The following EXTL3 variants were observed in gnomAD, a reference collection of about 807,000 sequenced individuals.
The protein encoded by EXTL3 is exostosin-like 3.
Under a neutral mutation model 69.3 loss-of-function variants are expected in EXTL3, and 27 were observed. That is an observed-to-expected ratio of 0.39 (90% CI 0.29 to 0.54). The LOEUF (loss-of-function observed/expected upper bound fraction) is 0.54. Among genes scored for constraint, EXTL3 ranks in the 20% least tolerant of loss-of-function variants. The pLI is 0.69. For synonymous variants in EXTL3, 511 were observed against 499.4 expected, an observed-to-expected ratio of 1.02 and a Z score of -0.31; for missense variants, 1,003 against 1,231.8, an observed-to-expected ratio of 0.81 and a Z score of 2.78.
chr8:28,712,849 C>T (rs1801058758), intron 1 of EXTL3, among the ~76,000 whole-genome samples: 2 of 152,324 alleles, frequency 1.3e-5, no homozygotes, highest in African/African-American at 4.8e-5. Context: ...AAATATTAGA[C>T]TAACTATAGT....
Position 28,644,321 on chromosome 8 carries a change from G to C in EXTL3, c.-53+21511G>C, listed in dbSNP as rs551009001. Among the ~76,000 whole-genome samples, 4 of 152,104 alleles carry C rather than the reference G, an allele frequency of 2.6e-5. No individual in the cohort carries two copies. The South Asian group carries it at 8.3e-4, about 32-fold the overall frequency. Reference sequence around the variant, plus strand: ...GTTTTTCTTTTTTTCTTTTTTGCTAGTGAATCAGTGCTGCTATGAACATTA... The same window carrying C: ...GTTTTTCTTTTTTTCTTTTTTGCTACTGAATCAGTGCTGCTATGAACATTA... On this transcript the variant is annotated intron_variant, in intron 1 of 6. Coordinates refer to the EXTL3 transcript ENST00000523149.
chr8:28,633,074 C>T (rs537881413), intron 1 of EXTL3, among the ~76,000 whole-genome samples: 1 of 152,268 alleles, frequency 6.6e-6, no homozygotes, highest in South Asian at 2.1e-4. Context: ...TGTTGTGGCT[C>T]ACACTTGTAA....
chr8:28,743,238 C>G, intron 6 of EXTL3, 24 bp downstream of exon 6: 1 of 1,613,968 alleles, frequency 6.2e-7, no homozygotes, highest in Non-Finnish European at 8.5e-7. Flanking sequence ...ACTGGTGGGG[C>G]TGTGGATGCG....
upstream of EXTL3, chr8:28,696,592 CTT>C (rs1800690051): frequency 1.3e-5 from 2 of 151,916 alleles, no homozygotes; most frequent in South Asian, 4.2e-4. Flanking sequence ...TGGAATCTCG[CTT>C]TTTTACCCAG....
At chr8:28,621,036 G>A (rs1430726040), upstream of EXTL3, among the ~76,000 whole-genome samples, 1 of 152,136 alleles carries the variant, frequency 6.6e-6, no homozygotes, top group Non-Finnish European at 1.5e-5. Context: ...ATACATTTAA[G>A]ATCATGTACA....
intron 1 of EXTL3, among the ~76,000 whole-genome samples, chr8:28,644,599 C>T (rs1415777768): frequency 3.3e-5 from 5 of 151,994 alleles, no homozygotes; most frequent in Admixed American, 2.0e-4. Flanking sequence ...TTTGGAAGCT[C>T]GAGGTGGGAG....
upstream of EXTL3, chr8:28,697,249 T>A (rs911678644): frequency 1.3e-5 from 2 of 152,226 alleles, no homozygotes; most frequent in Admixed American, 6.5e-5. Context: ...CCCTCTTTTT[T>A]GGGAACAAGC....
At position 28,715,909 on chromosome 8, in the gene EXTL3, T is replaced by G. The variant is rs1282872010; in HGVS notation, c.-151T>G. 3.1e-6 allele frequency: 2 copies of G among 652,032 alleles called. No homozygotes were observed. The highest frequency in any genetic ancestry group is 5.2e-6 in the Non-Finnish European group (2 of 381,812). The allele number at this position is 652,032 out of a possible 1,614,324, so 40.4% of individuals were successfully genotyped here. A position where few individuals can be genotyped will look rare whatever the true frequency, so the allele number is the denominator to read the frequency against. ...CCATTTCAGCTGCAGCTGAGGAAAATGAAATGTTCATTTTATTTGGTGCCT... is the reference window on the plus strand; with the variant it reads ...CCATTTCAGCTGCAGCTGAGGAAAAGGAAATGTTCATTTTATTTGGTGCCT... On this transcript the variant is annotated 5_prime_UTR_variant, in exon 3 of 7. An upstream start codon of the reference 5' UTR is lost. Coordinates refer to ENST00000220562, the MANE Select transcript of EXTL3 (RefSeq NM_001440.4).
chr8:28,643,023 C>T (rs909233097), intron 1 of EXTL3, among the ~76,000 whole-genome samples: 1 of 152,102 alleles, frequency 6.6e-6, no homozygotes. Context: ...GCAGATGGAT[C>T]ACCTGAGGGC....
intron 5 of EXTL3, chr8:28,742,339 A>C (rs964769198): frequency 1.3e-5 from 2 of 152,234 alleles, no homozygotes; most frequent in Admixed American, 1.3e-4. Flanking sequence ...GCCATTCATG[A>C]GCAGGTGTGA....
At chr8:28,684,238 T>A (rs528771579) in intron 1 of EXTL3, among the ~76,000 whole-genome samples, 9 of 152,312 alleles carry the variant, frequency 5.9e-5, no homozygotes, top group Admixed American at 2.0e-4. Flanking sequence ...CAGTTAAACA[T>A]GGGAGTGCAG....
intron 3 of EXTL3, among the ~76,000 whole-genome samples, chr8:28,726,728 A>G (rs966322597): frequency 6.6e-6 from 1 of 152,052 alleles, no homozygotes; most frequent in Non-Finnish European, 1.5e-5. Context: ...ACATTGCCAC[A>G]TGTAGCCCGA....
intron 1 of EXTL3, among the ~76,000 whole-genome samples, chr8:28,712,121 A>T (rs2130725980): frequency 6.6e-6 from 1 of 152,316 alleles, no homozygotes; most frequent in Non-Finnish European, 1.5e-5. Flanking sequence ...GCAACTTTAA[A>T]TGGTAATGCC....
intron 5 of EXTL3, chr8:28,740,450 A>AT (rs1425160185): frequency 2.0e-5 from 3 of 152,004 alleles, no homozygotes; most frequent in African/African-American, 7.3e-5. Context: ...CACCTGGCTA[A>AT]TTTTTGTATT....
At chr8:28,729,810 G>C (rs1031762249) in intron 3 of EXTL3, among the ~76,000 whole-genome samples, 2 of 151,658 alleles carry the variant, frequency 1.3e-5, no homozygotes, top group Non-Finnish European at 2.9e-5. Flanking sequence ...GACGCCTGGG[G>C]GGAACATAGT....
At chr8:28,671,071 C>T (rs1052188163) in intron 1 of EXTL3, among the ~76,000 whole-genome samples, 1 of 151,860 alleles carries the variant, frequency 6.6e-6, no homozygotes, top group Non-Finnish European at 1.5e-5. Flanking sequence ...GCCTCCGCCT[C>T]CCGGGTTGAA....
intron 3 of EXTL3, among the ~76,000 whole-genome samples, chr8:28,724,824 G>A (rs139694347): frequency 1.2e-4 from 18 of 152,120 alleles, no homozygotes; most frequent in African/African-American, 3.6e-4. Flanking sequence ...TGATGATGAT[G>A]TAGTCCTCTT....
chr8:28,712,894 A>G (rs549669892), intron 1 of EXTL3, among the ~76,000 whole-genome samples: 38 of 152,348 alleles, frequency 2.5e-4, no homozygotes, highest in African/African-American at 8.9e-4. Context: ...ACCTCTGTTT[A>G]GACTCTGTAT....
chr8:28,703,021 T>C (rs897570996), intron 1 of EXTL3, among the ~76,000 whole-genome samples: 1 of 152,196 alleles, frequency 6.6e-6, no homozygotes, highest in African/African-American at 2.4e-5. Context: ...CTTTGAAATA[T>C]TTTGTGATGA....
Sources: gnomAD v4.1 joint callset for allele counts (sites outside exome capture counted in the v4.1 genomes callset) on GRCh38, gnomAD v4.1.1 for gene constraint, MANE v1.5 for transcripts, NCBI Gene and HGNC (gene_info 2026-07-23, HGNC 2026-07-21) for gene names.